SEC23IP: variants seen among roughly 807,000 people sequenced by gnomAD.
The protein encoded by SEC23IP is SEC23-interacting protein.
A neutral mutation model predicts 113.4 loss-of-function variants in SEC23IP; 70 were observed. The observed-to-expected ratio is 0.62, with a 90% CI of 0.51 to 0.75. The LOEUF is 0.75. Ranked by LOEUF, SEC23IP falls within the 30% of genes least tolerant of loss-of-function variation. SEC23IP has a pLI of 0.00. For missense variants in SEC23IP, 1,160 were observed against 1,204.9 expected (o/e 0.96, Z 0.55); for synonymous variants, 398 against 421.0 (o/e 0.95, Z 0.67).
chr10:119,915,486 G>A (rs993878363), intron 7 of SEC23IP, among the ~76,000 whole-genome samples: 17 of 152,182 alleles, frequency 1.1e-4, no homozygotes, highest in Middle Eastern at 3.4e-3. Context: ...AAGGTGCCAC[G>A]CTACCTCCCA....
At chr10:119,916,013 CAT>C (rs1193986311) in intron 8 of SEC23IP, 124 bp downstream of exon 8, 5 of 771,606 alleles carry the variant, frequency 6.5e-6, no homozygotes, top group Non-Finnish European at 9.2e-6. Flanking sequence ...ATACTTCTGA[CAT>C]ATAATTAAAT....
In SEC23IP at chr10:119,943,172, CTGAG is replaced by C. The variant is rs1202956750; in HGVS notation, c.*2610_*2613del. ...CTGGTGGAAACTTGAACTGCAGACACTGAGTGTTTTGGTTTTCCTCCAAGTTATA... is the reference window on the plus strand; with the variant it reads ...CTGGTGGAAACTTGAACTGCAGACACTGTTTTGGTTTTCCTCCAAGTTATA... On this transcript the variant is annotated 3_prime_UTR_variant, in exon 19 of 19. Coordinates refer to ENST00000369075, the MANE Select transcript of SEC23IP (RefSeq NM_007190.4). 6.6e-6 allele frequency: 1 copy of C among 152,180 alleles called. No individual in the cohort carries two copies. Among genetic ancestry groups the C allele is most frequent in the Non-Finnish European group, 1.5e-5 (1 of 68,036 alleles). The allele number at this position is 152,180 out of a possible 1,614,324, so 9.4% of individuals were successfully genotyped here.
chr10:119,913,078 C>T (rs1234070136), intron 6 of SEC23IP, among the ~76,000 whole-genome samples: 3 of 152,180 alleles, frequency 2.0e-5, no homozygotes, highest in South Asian at 2.1e-4. Context: ...ATCTTCACTT[C>T]CCCCCGACCC....
intron 1 of SEC23IP, 73 bp from the exon 2 acceptor site, chr10:119,898,354 C>T: frequency 6.9e-7 from 1 of 1,452,876 alleles, no homozygotes; most frequent in South Asian, 1.6e-5. Context: ...AATTGCTAGC[C>T]CTTCCTTATA....
At chr10:119,933,236 T>C (rs1184888195) in intron 17 of SEC23IP, 69 bp downstream of exon 17, 2 of 1,249,946 alleles carry the variant, frequency 1.6e-6, no homozygotes, top group African/African-American at 3.0e-5. Context: ...AATTTTAGTT[T>C]TAGTGAGATT....
Position 119,918,396 on chromosome 10 carries a change from C to A in SEC23IP, c.1757C>A (p.Ser586Tyr). 2 of 1,577,556 alleles carry A rather than the reference C, an allele frequency of 1.3e-6. No individual in the cohort carries two copies. Among genetic ancestry groups the A allele is most frequent in the South Asian group, 2.2e-5 (2 of 90,102 alleles). Residue 586 changes from serine (S) to tyrosine (Y), a missense_variant, in exon 10 of 19, where the codon TCT (serine) becomes TAT (tyrosine). Coordinates refer to ENST00000369075, the MANE Select transcript of SEC23IP (RefSeq NM_007190.4). ...GCAAAATGTTTCTTTTTCATAGGTT[C>A]TTTAATATTGTTTGACATCCTGTCT... ...GVSVAGHSLG[S>Y]LILFDILSNQ... is the part of the protein sequence containing the mutation.
At chr10:119,922,484 T>G (rs928576832) in intron 12 of SEC23IP, among the ~76,000 whole-genome samples, 1 of 152,212 alleles carries the variant, frequency 6.6e-6, no homozygotes, top group South Asian at 2.1e-4. Context: ...TAGCACCAAA[T>G]CATCTGTGTA....
intron 18 of SEC23IP, among the ~76,000 whole-genome samples, chr10:119,939,546 A>G (rs974926329): frequency 6.7e-6 from 1 of 148,394 alleles, no homozygotes; most frequent in African/African-American, 2.5e-5. Context: ...GTGGTAGCAC[A>G]CACCTGTAGT....
Position 119,943,683 on chromosome 10 carries a change from G to A in SEC23IP, c.*3118G>A, listed in dbSNP as rs998345316. 2.0e-5 allele frequency: 3 copies of A among 152,328 alleles called. No homozygotes were observed. The highest frequency in any genetic ancestry group is 2.9e-5 in the Non-Finnish European group (2 of 68,026). The allele number at this position is 152,328 out of a possible 1,614,324, so 9.4% of individuals were successfully genotyped here. ...AGAACACTGAAAATAATGTCATGTT[G>A]TTAACACCAGTGGGAGTTTGGGAAA... On this transcript the variant is annotated 3_prime_UTR_variant, in exon 19 of 19. Coordinates refer to ENST00000369075, the MANE Select transcript of SEC23IP (RefSeq NM_007190.4).
intron 18 of SEC23IP, 46 bp downstream of exon 18, chr10:119,933,833 C>A: frequency 3.0e-6 from 3 of 996,284 alleles, no homozygotes; most frequent in Non-Finnish European, 4.7e-6. Flanking sequence ...TGTTTGCATT[C>A]TCAAATCTGT....
At chr10:119,893,438 C>T (rs959187573) in intron 1 of SEC23IP, among the ~76,000 whole-genome samples, 1 of 150,276 alleles carries the variant, frequency 6.7e-6, no homozygotes, top group South Asian at 2.1e-4. Context: ...AGTAAGATAT[C>T]TTATAAGATG....
chr10:119,929,964 T>G (rs1589847961), intron 14 of SEC23IP, among the ~76,000 whole-genome samples: 1 of 152,204 alleles, frequency 6.6e-6, no homozygotes, highest in African/African-American at 2.4e-5. Context: ...CTTTCTTTTT[T>G]GAAGAAGATG....
rs1185512287 is a variant in SEC23IP at position 119,907,443 on chromosome 10, TTTAC to T, written c.1102-1595_1102-1592del. Among the ~76,000 whole-genome samples, 4 of 152,332 alleles carry T rather than the reference TTTAC, an allele frequency of 2.6e-5. No homozygotes were observed. In the East Asian group the frequency reaches 7.7e-4, roughly 29 times the overall value. On this transcript the variant is annotated intron_variant, in intron 4 of 18. Transcript: ENST00000369075. ...TTAAAAAAAAGACTTTGTAACAATT[TTTAC>T]TTGTCAATTAAAAAAATAAATGAAC...
At chr10:119,918,176 C>A in intron 9 of SEC23IP, 132 bp downstream of exon 9, 1 of 800,608 alleles carries the variant, frequency 1.2e-6, no homozygotes, top group Non-Finnish European at 2.0e-6. Context: ...GAAATGAATG[C>A]TCTGAGTTTA....
chr10:119,938,866 A>C (rs934945095), intron 18 of SEC23IP, among the ~76,000 whole-genome samples: 2 of 152,234 alleles, frequency 1.3e-5, no homozygotes, highest in Non-Finnish European at 2.9e-5. Context: ...CAAGAATTTA[A>C]GTTTCTAATA....
intron 9 of SEC23IP, among the ~76,000 whole-genome samples, 168 bp downstream of exon 9, chr10:119,918,212 C>T (rs1321595368): frequency 1.3e-5 from 2 of 152,156 alleles, no homozygotes; most frequent in Non-Finnish European, 2.9e-5. Flanking sequence ...ATATTCACCT[C>T]TAGTATTACC....
chr10:119,910,197 T>G (rs554589450), intron 5 of SEC23IP, among the ~76,000 whole-genome samples: 76 of 152,372 alleles, frequency 5.0e-4, no homozygotes, highest in African/African-American at 1.8e-3. Flanking sequence ...TGGGCTGTAG[T>G]ATGCCTGTCT....
chr10:119,928,773 A>G (rs1294869030), intron 13 of SEC23IP, among the ~76,000 whole-genome samples: 1 of 152,248 alleles, frequency 6.6e-6, no homozygotes, highest in Non-Finnish European at 1.5e-5. Context: ...TTCTCTTGAG[A>G]GAGGCTACAT....
In SEC23IP at chr10:119,898,683, T is replaced by C. The variant is rs748931847; in HGVS notation, c.420T>C (p.Ala140=). The C allele has an allele frequency of 1.3e-4, 202 of 1,614,100 alleles. No homozygotes were observed. The highest frequency in any genetic ancestry group is 1.7e-4 in the Non-Finnish European group (199 of 1,180,048). ...CATTTTCACCATCCATTTCGAAGGC[T>C]CAACCTGGTGCTCCACCTTCCTCAC... ...SNAFSPSISK[A]QPGAPPSSLM... The change falls in exon 2 of 19, where the codon GCT becomes GCC. Residue 140 remains alanine (A), a synonymous_variant. Transcript: ENST00000369075.
Sources: allele counts gnomAD v4.1 joint callset (sites outside exome capture counted in the v4.1 genomes callset), GRCh38; gene constraint gnomAD v4.1.1; transcripts MANE v1.5; gene names NCBI Gene and HGNC (gene_info 2026-07-23, HGNC 2026-07-21).